Variants in CLSTN1 observed in about 807,000 individuals in gnomAD.
The protein encoded by CLSTN1 is calsyntenin 1.
Under a neutral mutation model 108.3 loss-of-function variants are expected in CLSTN1, and 28 were observed. The observed-to-expected ratio is 0.26, with a 90% CI of 0.19 to 0.35. The LOEUF is 0.35. Among genes scored for constraint, CLSTN1 ranks in the 10% least tolerant of loss-of-function variants. The pLI, the probability that CLSTN1 is intolerant of heterozygous loss-of-function variation, is 1.00. For missense variants in CLSTN1, 1,157 were observed against 1,302.6 expected, an observed-to-expected ratio of 0.89 and a Z score of 1.72; for synonymous variants, 524 against 534.9, an observed-to-expected ratio of 0.98 and a Z score of 0.28.
At chr1:9,805,961 TCTCA>T (rs879453299) in intron 1 of CLSTN1, among the ~76,000 whole-genome samples, 70 of 152,250 alleles carry the variant, frequency 4.6e-4, no homozygotes, top group Non-Finnish European at 8.5e-4. Flanking sequence ...TTTAATAGGT[TCTCA>T]CTTTTTATTT....
chr1:9,801,540 G>A (rs1450610095), intron 1 of CLSTN1, among the ~76,000 whole-genome samples: 1 of 151,794 alleles, frequency 6.6e-6, no homozygotes, highest in Non-Finnish European at 1.5e-5. Flanking sequence ...CTCATTCTGT[G>A]AGGTCACCAT....
intron 1 of CLSTN1, among the ~76,000 whole-genome samples, chr1:9,798,859 G>A (rs1654129054): frequency 6.6e-6 from 1 of 152,136 alleles, no homozygotes; most frequent in Admixed American, 6.6e-5. Context: ...AGAGAAGTGA[G>A]ATCACAAGGC....
At position 9,747,126 on chromosome 1, in the gene CLSTN1, G is replaced by A. The variant is rs139615844; in HGVS notation, c.985+2335C>T. ...ACCCAGGAGGCAGACGTTGCAGTGA[G>A]TGAGATTGCGCCACTGCACTCCAGC... On this transcript the variant is annotated intron_variant, in intron 7 of 18. Transcript: ENST00000377298. Among the ~76,000 whole-genome samples the A allele has an allele frequency of 3.7e-3, 517 of 140,724 alleles. 6 individuals carry two copies. The highest frequency in any genetic ancestry group is 0.012 in the African/African-American group (475 of 38,140). The allele number at this position is 140,724 out of a possible 152,430, so 92.3% of individuals were successfully genotyped here. A position where few individuals can be genotyped will look rare whatever the true frequency, so the allele number is the denominator to read the frequency against.
intron 1 of CLSTN1, among the ~76,000 whole-genome samples, chr1:9,776,862 T>TATCTATCTATC (rs1652974948): frequency 1.4e-5 from 2 of 140,124 alleles, no homozygotes; most frequent in Non-Finnish European, 1.5e-5. Flanking sequence ...CTATCAGCAT[T>TATCTATCTATC]TATCTATCTA....
chr1:9,749,611 C>T lies in CLSTN1; in HGVS notation c.835G>A (p.Gly279Ser), dbSNP rs368481775. 9 of 1,614,162 alleles carry T rather than the reference C, an allele frequency of 5.6e-6. No homozygotes were observed. The highest frequency in any genetic ancestry group is 2.7e-5 in the African/African-American group (2 of 75,056). ...ATATTTGGAAAGACGGCCAACGCGC[C>T]GGTGCCCGGCTCATACTCAATCCTG... Reference protein sequence around the residue: ...NNRIEYEPGTGALAVFPNIHL... With the variant: ...NNRIEYEPGTSALAVFPNIHL... Residue 279 changes from glycine (G) to serine (S), a missense_variant, in exon 7 of 19, where the codon GGC (glycine) becomes AGC (serine). Transcript: ENST00000377298.
At chr1:9,784,160 G>T (rs1037000826) in intron 1 of CLSTN1, among the ~76,000 whole-genome samples, 1 of 127,778 alleles carries the variant, frequency 7.8e-6, no homozygotes, top group Non-Finnish European at 1.6e-5. Flanking sequence ...CGACAGGAGC[G>T]AAACTCTATC....
intron 16 of CLSTN1, 94 bp downstream of exon 16, chr1:9,733,306 GC>G: frequency 6.8e-7 from 1 of 1,469,646 alleles, no homozygotes; most frequent in South Asian, 1.2e-5. Context: ...CATCATGAAT[GC>G]TCTGAGGTTG....
In CLSTN1 at chr1:9,734,712, A is replaced by G. The variant is rs1261734907; in HGVS notation, c.2110+236T>C. 6.6e-6 allele frequency among the ~76,000 whole-genome samples: 1 copy of G among 151,986 alleles called. No homozygotes were observed. Among genetic ancestry groups the G allele is most frequent in the Non-Finnish European group, 1.5e-5 (1 of 67,986 alleles). ...GCCCTCAACCCCTCAACCTCAAGCC[A>G]CATCTCAAAGCCTGGCAGCAACCAG... is the stretch of plus-strand genomic sequence containing the variant. On this transcript the variant is annotated intron_variant, in intron 14 of 18. Coordinates refer to ENST00000377298, the MANE Select transcript of CLSTN1 (RefSeq NM_001009566.3). This position sits in a 1 kb window ranked among gnomAD's most constrained non-coding sequence, Gnocchi z 4.8.
At chr1:9,736,710 T>G (rs1200377427) in intron 11 of CLSTN1, among the ~76,000 whole-genome samples, 2 of 152,162 alleles carry the variant, frequency 1.3e-5, no homozygotes, top group African/African-American at 4.8e-5. Context: ...GGACAAATTT[T>G]CAGCAATGTG....
At position 9,741,170 on chromosome 1, in the gene CLSTN1, G is replaced by A. The variant is rs1650965370; in HGVS notation, c.1443C>T (p.Pro481=). The A allele has an allele frequency of 3.1e-6, 5 of 1,614,016 alleles. No homozygotes were observed. In the East Asian group the frequency reaches 1.1e-4, roughly 36 times the overall value. ...GCGGGTAATCCTCAGTCACAGAGAAGGGCTCGTGGGACGTGCCATCCACAT... is the reference window on the plus strand; with the variant it reads ...GCGGGTAATCCTCAGTCACAGAGAAAGGCTCGTGGGACGTGCCATCCACAT... ...TLYVDGTSHE[P]FSVTEDYPLH... is the part of the protein sequence containing the mutation. Residue 481 remains proline, a synonymous_variant, in exon 10 of 19, where the codon CCC becomes CCT. Coordinates refer to ENST00000377298, the MANE Select transcript of CLSTN1 (RefSeq NM_001009566.3).
intron 1 of CLSTN1, among the ~76,000 whole-genome samples, chr1:9,816,094 G>A (rs1654958126): frequency 6.6e-6 from 1 of 152,082 alleles, no homozygotes; most frequent in African/African-American, 2.4e-5. Context: ...TAGCTACAAA[G>A]TGGAAATAAC....
Position 9,737,554 on chromosome 1 carries a change from T to A in CLSTN1, c.1520A>T (p.Glu507Val), listed in dbSNP as rs1449191921. 6.2e-7 allele frequency: 1 copy of A among 1,613,818 alleles called. No individual in the cohort carries two copies. Among genetic ancestry groups the A allele is most frequent in the African/African-American group, 1.3e-5 (1 of 74,884 alleles). ...TQLVVGACWQ[E>V]FSGVENDNET... is the part of the protein sequence containing the mutation. ...ATTGTCATTTTCAACTCCTGAAAAC[T>A]CTGTGGAAAAGCAAGACAAAGACAA... Residue 507 changes from glutamate (E) to valine (V), a missense_variant and splice_region_variant, in exon 11 of 19, where the codon GAG (glutamate) becomes GTG (valine). Transcript: ENST00000377298.
At chr1:9,784,688 T>C (rs1410286517) in intron 1 of CLSTN1, among the ~76,000 whole-genome samples, 1 of 152,192 alleles carries the variant, frequency 6.6e-6, no homozygotes, top group African/African-American at 2.4e-5. Context: ...TTTTAAACCT[T>C]GGTCTATCAT....
chr1:9,732,464 G>A (rs186407592), intron 16 of CLSTN1, among the ~76,000 whole-genome samples: 167 of 152,320 alleles, frequency 1.1e-3, no homozygotes, highest in African/African-American at 3.7e-3. Flanking sequence ...AAGCACTGGC[G>A]TAGACCTTTT....
chr1:9,789,166 A>C (rs529709606), intron 1 of CLSTN1, among the ~76,000 whole-genome samples: 12 of 151,512 alleles, frequency 7.9e-5, no homozygotes, highest in African/African-American at 2.6e-4. Context: ...CCTGTTTTCT[A>C]ATCTTTTGTG....
Position 9,772,836 on chromosome 1 carries a change from T to C in CLSTN1, c.214+436A>G, listed in dbSNP as rs190936300. On this transcript the variant is annotated intron_variant, in intron 2 of 18. Transcript: ENST00000377298. Reference sequence around the variant, plus strand: ...TCTCAGGTCATTGAAATCTAGGTAATGCAAGGAACCCCTGGCGCTGTGATT... The same window carrying C: ...TCTCAGGTCATTGAAATCTAGGTAACGCAAGGAACCCCTGGCGCTGTGATT... Among the ~76,000 whole-genome samples the C allele has an allele frequency of 1.2e-4, 19 of 152,240 alleles. No individual in the cohort carries two copies. In the East Asian group the frequency reaches 3.3e-3, roughly 26 times the overall value.
intron 4 of CLSTN1, among the ~76,000 whole-genome samples, chr1:9,751,972 T>C (rs1570452850): frequency 6.6e-6 from 1 of 151,972 alleles, no homozygotes; most frequent in Admixed American, 6.6e-5. Context: ...ACTTGGGTGT[T>C]TTTTTTTGAC....
intron 16 of CLSTN1, 21 bp downstream of exon 16, chr1:9,733,380 C>A: frequency 6.2e-7 from 1 of 1,613,966 alleles, no homozygotes; most frequent in South Asian, 1.1e-5. Context: ...TGGCCCTGCT[C>A]AGTGGGAGCC....
At chr1:9,744,719 T>C (rs1651169444) in intron 7 of CLSTN1, 76 bp from the exon 8 acceptor site, 1 of 1,484,710 alleles carries the variant, frequency 6.7e-7, no homozygotes, top group Admixed American at 2.3e-5. Context: ...AGGCACGTGC[T>C]TGTCTTACAC....
Sources: gnomAD v4.1 joint callset for allele counts (sites outside exome capture counted in the v4.1 genomes callset) on GRCh38, gnomAD v4.1.1 for gene constraint, Gnocchi (gnomAD v3.1) non-coding constraint, MANE v1.5 for transcripts, NCBI Gene and HGNC (gene_info 2026-07-23, HGNC 2026-07-21) for gene names.